The following WNT4 variants were observed in gnomAD, a reference collection of about 807,000 sequenced individuals.
WNT4 encodes protein Wnt-4.
Under a neutral mutation model 34.5 loss-of-function variants are expected in WNT4, and 16 were observed. The observed-to-expected ratio is 0.46, with a 90% confidence interval of 0.31 to 0.70. The LOEUF is 0.70. WNT4 is among the 30% of genes least tolerant of loss of function. The pLI is 0.04. For synonymous variants in WNT4, 200 were observed against 211.9 expected (o/e 0.94, Z 0.49); for missense variants, 379 against 495.9 (o/e 0.76, Z 2.24).
chr1:22,121,361 G>A lies in WNT4; in HGVS notation c.446-8C>T, dbSNP rs1458449478. ...ATCCTGACCACTGGAAGCCTGGGGT[G>A]TGGTGGGCACAGAAAGGGCTGCGGT... On this transcript the variant is annotated splice_region_variant and splice_polypyrimidine_tract_variant and intron_variant, in intron 3 of 4. Transcript: ENST00000290167. 3 of 1,614,094 alleles carry A rather than the reference G, an allele frequency of 1.9e-6. No individual in the cohort carries two copies. The highest frequency in any genetic ancestry group is 1.7e-6 in the Non-Finnish European group (2 of 1,180,042).
chr1:22,120,242 C>A lies in WNT4; in HGVS notation c.864G>T (p.Val288=). The stretch of plus-strand genomic sequence containing the variant: ...TGCATGTGCGGCCCCTCGTGCCCAG[C>A]ACGCCGCTGCGCATGTCCTGCTCAC... ...DFCEQDMRSG[V]LGTRGRTCNK... is the part of the protein sequence containing the mutation. The change falls in exon 5 of 5, where the codon GTG becomes GTT. Residue 288 remains valine, a synonymous_variant. Transcript: ENST00000290167. 6.2e-7 allele frequency: 1 copy of A among 1,614,148 alleles called. No individual in the cohort carries two copies. Among genetic ancestry groups the A allele is most frequent in the Admixed American group, 1.7e-5 (1 of 60,032 alleles).
Position 22,142,126 on chromosome 1 carries a change from A to G in WNT4, c.77+720T>C, listed in dbSNP as rs1646073023. Among the ~76,000 whole-genome samples the G allele has an allele frequency of 1.3e-5, 2 of 152,166 alleles. No individual in the cohort carries two copies. The highest frequency in any genetic ancestry group is 4.8e-5 in the African/African-American group (2 of 41,446). The stretch of plus-strand genomic sequence containing the variant: ...CAGGGAGCGCCCTGAGCGCAGATCC[A>G]GTCAAGGAGAAACAGACAGGTCACC... On this transcript the variant is annotated intron_variant, in intron 1 of 4. Transcript: ENST00000290167. The surrounding 1 kb of genome is among the most constrained non-coding windows in gnomAD (Gnocchi z 6.0).
intron 2 of WNT4, among the ~76,000 whole-genome samples, chr1:22,125,824 G>C (rs1283047452): frequency 6.6e-6 from 1 of 152,072 alleles, no homozygotes; most frequent in African/African-American, 2.4e-5. Flanking sequence ...TTTGCCAGGC[G>C]CTATGGCCTC....
chr1:22,143,037 C>T lies in WNT4; in HGVS notation c.-115G>A. On this transcript the variant is annotated 5_prime_UTR_variant, in exon 1 of 5. Coordinates refer to ENST00000290167, the MANE Select transcript of WNT4 (RefSeq NM_030761.5). ...CGGGGCGCGCGCGGCGGGGCTCTGC[C>T]TCCGTGTGCCTGCCGGCAGCCTGCC... 1 of 328,606 alleles carries T rather than the reference C, an allele frequency of 3.0e-6. No individual in the cohort carries two copies. The highest frequency in any genetic ancestry group is 1.1e-4 in the South Asian group (1 of 8,708). 20.4% of individuals were successfully genotyped at this position (328,606 alleles called of 1,614,324 possible).
At chr1:22,131,323 G>A (rs967182343) in intron 1 of WNT4, among the ~76,000 whole-genome samples, 9 of 152,328 alleles carry the variant, frequency 5.9e-5, no homozygotes, top group Non-Finnish European at 2.9e-5. Context: ...GCTGTGCATC[G>A]AAACGTGTGC....
rs967635661 is a variant in WNT4 at position 22,142,713 on chromosome 1, G to A, written c.77+133C>T. 3 of 559,516 alleles carry A rather than the reference G, an allele frequency of 5.4e-6. 1 individual carries two copies. Among genetic ancestry groups the A allele is most frequent in the Admixed American group, 1.3e-4 (2 of 15,640 alleles). 34.7% of individuals were successfully genotyped at this position (559,516 alleles called of 1,614,324 possible). On this transcript the variant is annotated intron_variant, in intron 1 of 4. Transcript: ENST00000290167. This position sits in a 1 kb window ranked among gnomAD's most constrained non-coding sequence, Gnocchi z 6.0. ...CCGTGGCGGCGGCAGCGGAGCGAGC[G>A]AGCCTCCGGTCCCGCGGCCGAGACA...
Position 22,120,041 on chromosome 1 carries a change from G to C in WNT4, c.*9C>G, listed in dbSNP as rs1279836949. The C allele has an allele frequency of 6.2e-7, 1 of 1,605,298 alleles. No individual in the cohort carries two copies. The highest frequency in any genetic ancestry group is 1.3e-5 in the African/African-American group (1 of 74,908). On this transcript the variant is annotated 3_prime_UTR_variant, in exon 5 of 5. Coordinates refer to ENST00000290167, the MANE Select transcript of WNT4 (RefSeq NM_030761.5). ...CTAGGTGGTTGCCGGCGCAGGGCTA[G>C]GCAGGCGGTCATCGGCACGTGTGCA... is the stretch of plus-strand genomic sequence containing the variant.
At chr1:22,124,396 A>C (rs1212497648) in intron 2 of WNT4, among the ~76,000 whole-genome samples, 1 of 152,144 alleles carries the variant, frequency 6.6e-6, no homozygotes, top group Non-Finnish European at 1.5e-5. Flanking sequence ...CTGGCCTCTG[A>C]CGTCACAGGC....
chr1:22,122,191 A>G (rs1200139699), intron 2 of WNT4, among the ~76,000 whole-genome samples: 1 of 152,170 alleles, frequency 6.6e-6, no homozygotes, highest in Non-Finnish European at 1.5e-5. Flanking sequence ...GTAAACCGTA[A>G]TAACAACAGC....
Position 22,142,841 on chromosome 1 carries a change from CT to C in WNT4, c.77+4del. 1 of 1,207,762 alleles carries C rather than the reference CT, an allele frequency of 8.3e-7. No homozygotes were observed. Among genetic ancestry groups the C allele is most frequent in the South Asian group, 1.4e-5 (1 of 72,866 alleles). The allele number at this position is 1,207,762 out of a possible 1,614,324, so 74.8% of individuals were successfully genotyped here. A position where few individuals can be genotyped will look rare whatever the true frequency, so the allele number is the denominator to read the frequency against. On this transcript the variant is annotated splice_donor_region_variant and intron_variant, in intron 1 of 4. Coordinates refer to ENST00000290167, the MANE Select transcript of WNT4 (RefSeq NM_030761.5). This position sits in a 1 kb window ranked among gnomAD's most constrained non-coding sequence, Gnocchi z 6.0. The stretch of plus-strand genomic sequence containing the variant: ...CCCGCCCCGCTCGGCCCCGGCCAGA[CT>C]TACAGCCAGTTGCTCGCGGCGGCTG...
At chr1:22,125,022 A>G (rs1645930024) in intron 2 of WNT4, among the ~76,000 whole-genome samples, 1 of 152,210 alleles carries the variant, frequency 6.6e-6, no homozygotes, top group African/African-American at 2.4e-5. Flanking sequence ...ACCTCCAGGA[A>G]GCCCCTTTGG....
At position 22,127,334 on chromosome 1, in the gene WNT4, C is replaced by T. The variant is rs1356635066; in HGVS notation, c.313+2282G>A. On this transcript the variant is annotated intron_variant, in intron 2 of 4. Transcript: ENST00000290167. ...GTTCCTCCCCCAAAGGTAAGGAGGG[C>T]TTCTCATGGGGTCCTGAGTACCCAC... is the stretch of plus-strand genomic sequence containing the variant. The T allele has an allele frequency of 9.4e-6, 5 of 531,790 alleles. No homozygotes were observed. The East Asian group carries it at 2.7e-4, about 29-fold the overall frequency. The allele number at this position is 531,790 out of a possible 1,614,324, so 32.9% of individuals were successfully genotyped here. A position where few individuals can be genotyped will look rare whatever the true frequency, so the allele number is the denominator to read the frequency against.
rs895692572 is a variant in WNT4 at position 22,139,507 on chromosome 1, C to T, written c.77+3339G>A. Among the ~76,000 whole-genome samples the T allele has an allele frequency of 6.6e-6, 1 of 152,172 alleles. No individual in the cohort carries two copies. Among genetic ancestry groups the T allele is most frequent in the Non-Finnish European group, 1.5e-5 (1 of 68,030 alleles). On this transcript the variant is annotated intron_variant, in intron 1 of 4. Transcript: ENST00000290167. The surrounding 1 kb of genome is among the most constrained non-coding windows in gnomAD (Gnocchi z 4.6). ...GCCGCCGGCCTGCCTCTGAGTGCAG[C>T]GTGGTCCCCCTCCCCTCACCCGTGG...
At chr1:22,121,642 G>C in intron 2 of WNT4, 66 bp from the exon 3 acceptor site, 1 of 1,583,956 alleles carries the variant, frequency 6.3e-7, no homozygotes, top group Non-Finnish European at 8.5e-7. Context: ...CCTTTGTAGA[G>C]GGGGAGGGGC....
In WNT4 at chr1:22,119,081, CT is replaced by C; in HGVS notation, c.*968del. The C allele has an allele frequency of 6.6e-6, 1 of 150,996 alleles. No homozygotes were observed. The highest frequency in any genetic ancestry group is 1.5e-5 in the Non-Finnish European group (1 of 68,246). 9.4% of individuals were successfully genotyped at this position (150,996 alleles called of 1,614,324 possible). ...CGCAGGTGTGTGTGTGTGTGTTTTC[CT>C]TTTTCAGTTTCATGGAGGAACAGTG... On this transcript the variant is annotated 3_prime_UTR_variant, in exon 5 of 5. Transcript: ENST00000290167.
rs993766432 is a variant in WNT4, at chr1:22,139,038, G to A, written c.77+3808C>T. Among the ~76,000 whole-genome samples the A allele has an allele frequency of 6.6e-6, 1 of 152,206 alleles. No individual in the cohort carries two copies. Among genetic ancestry groups the A allele is most frequent in the Non-Finnish European group, 1.5e-5 (1 of 68,022 alleles). Reference sequence around the variant, plus strand: ...CTGGCAAGATTGGCTTGTGAGCCAGGCTAGGTCTTCCTGACTCTGGGAGGC... The same window carrying A: ...CTGGCAAGATTGGCTTGTGAGCCAGACTAGGTCTTCCTGACTCTGGGAGGC... On this transcript the variant is annotated intron_variant, in intron 1 of 4. Transcript: ENST00000290167. The surrounding 1 kb of genome is among the most constrained non-coding windows in gnomAD (Gnocchi z 4.6).
chr1:22,133,096 C>G (rs1362782144), intron 1 of WNT4, among the ~76,000 whole-genome samples: 3 of 152,144 alleles, frequency 2.0e-5, no homozygotes, highest in Non-Finnish European at 4.4e-5. Context: ...AGCTGCAGTG[C>G]AAACCCAGCC....
intron 1 of WNT4, among the ~76,000 whole-genome samples, chr1:22,132,444 A>G (rs1645991466): frequency 6.6e-6 from 1 of 152,154 alleles, no homozygotes; most frequent in African/African-American, 2.4e-5. Context: ...CTGTCTCCTT[A>G]TGGGTACAGT....
In WNT4 at chr1:22,142,070, C is replaced by G. The variant is rs1646072411; in HGVS notation, c.77+776G>C. 6.6e-6 allele frequency among the ~76,000 whole-genome samples: 1 copy of G among 152,208 alleles called. No individual in the cohort carries two copies. The highest frequency in any genetic ancestry group is 2.4e-5 in the African/African-American group (1 of 41,454). ...TCACTGGAGCTCATCCCTTTAGTCT[C>G]CCTCCCTGCAGCAAACCTTCCGCCC... On this transcript the variant is annotated intron_variant, in intron 1 of 4. Transcript: ENST00000290167. The surrounding 1 kb of genome is among the most constrained non-coding windows in gnomAD (Gnocchi z 6.0).
Sources: gnomAD v4.1 joint callset for allele counts (sites outside exome capture counted in the v4.1 genomes callset) on GRCh38, gnomAD v4.1.1 for gene constraint, Gnocchi (gnomAD v3.1) non-coding constraint, MANE v1.5 for transcripts, NCBI Gene and HGNC (gene_info 2026-07-23, HGNC 2026-07-21) for gene names.